The following UBAP2 variants were observed in gnomAD, a reference collection of about 807,000 sequenced individuals.
UBAP2 encodes ubiquitin-associated protein 2.
In UBAP2, 75 loss-of-function variants were observed where a neutral mutation model predicts 139.6. That is an observed-to-expected ratio of 0.54 (90% CI 0.45 to 0.65). UBAP2 has a LOEUF of 0.65. Ranked by LOEUF, UBAP2 falls within the 30% of genes least tolerant of loss-of-function variation. UBAP2 has a pLI of 0.00. For synonymous variants in UBAP2, 526 were observed against 526.2 expected (o/e 1.00, Z 0.01); for missense variants, 1,368 against 1,369.6 (o/e 1.00, Z 0.02).
At chr9:34,043,897 G>A (rs1256977091) in intron 1 of UBAP2, among the ~76,000 whole-genome samples, 1 of 151,524 alleles carries the variant, frequency 6.6e-6, no homozygotes, top group Admixed American at 6.6e-5. Flanking sequence ...GGAGGCCGAA[G>A]CAGGTGGATC....
chr9:34,026,356 G>T (rs1825400891), intron 1 of UBAP2, among the ~76,000 whole-genome samples: 1 of 151,560 alleles, frequency 6.6e-6, no homozygotes, highest in South Asian at 2.1e-4. Flanking sequence ...TACGTTTCAG[G>T]AACAGAAAAA....
intron 2 of UBAP2, among the ~76,000 whole-genome samples, chr9:34,003,791 GC>G (rs1165022686): frequency 1.3e-5 from 2 of 151,768 alleles, no homozygotes; most frequent in East Asian, 3.9e-4. Flanking sequence ...TGCGATCTTG[GC>G]TACTGCAACC....
chr9:34,028,800 A>C (rs1315461801), intron 1 of UBAP2, among the ~76,000 whole-genome samples: 1 of 151,880 alleles, frequency 6.6e-6, no homozygotes, highest in African/African-American at 2.4e-5. Flanking sequence ...TCTCTCCTAC[A>C]AAAAGGAAAA....
rs906780133 is a variant in UBAP2 at position 34,042,183 on chromosome 9, TA to T, written c.-42+6641del. Among the ~76,000 whole-genome samples the T allele has an allele frequency of 2.0e-5, 3 of 151,712 alleles. 1 individual carries two copies. The South Asian group carries it at 6.2e-4, about 32-fold the overall frequency. On this transcript the variant is annotated intron_variant, in intron 1 of 28. Transcript: ENST00000379238. ...ATATACATATAAGGTAAAATTATTGTAAAAAAGTAACAGTAGGCTGGGGTGG... is the reference window on the plus strand; with the variant it reads ...ATATACATATAAGGTAAAATTATTGTAAAAAGTAACAGTAGGCTGGGGTGG...
intron 6 of UBAP2, among the ~76,000 whole-genome samples, chr9:33,983,778 C>T (rs976842305): frequency 1.3e-5 from 2 of 152,188 alleles, no homozygotes; most frequent in African/African-American, 2.4e-5. Flanking sequence ...TTGAAACTTA[C>T]TTTACAGAAA....
At chr9:33,971,884 T>C (rs1019702541) in intron 7 of UBAP2, 130 bp from the exon 8 acceptor site, 2 of 588,944 alleles carry the variant, frequency 3.4e-6, no homozygotes, top group Non-Finnish European at 6.1e-6. Context: ...ACATCACCTC[T>C]CCTTCCCCTA....
intron 6 of UBAP2, among the ~76,000 whole-genome samples, chr9:33,977,376 G>T (rs542733481): frequency 3.9e-5 from 6 of 152,070 alleles, no homozygotes; most frequent in Non-Finnish European, 8.8e-5. Flanking sequence ...CTAATCCATC[G>T]TCCCCATAAA....
chr9:33,977,024 AAC>A (rs1213915822), intron 6 of UBAP2, among the ~76,000 whole-genome samples: 2 of 149,468 alleles, frequency 1.3e-5, no homozygotes, highest in Non-Finnish European at 3.0e-5. Flanking sequence ...AAAAAACAAA[AAC>A]AGTTGTTTTT....
At position 33,935,837 on chromosome 9, in the gene UBAP2, A is replaced by G; in HGVS notation, c.1969+2T>C. Reference sequence around the variant, plus strand: ...ACAAGAGTAGCTTGCTGCTATACTTACTGTCTAGTGTCTGCTGACTTCGAC... The same window carrying G: ...ACAAGAGTAGCTTGCTGCTATACTTGCTGTCTAGTGTCTGCTGACTTCGAC... On this transcript the variant is annotated splice_donor_variant, in intron 17 of 28. Coordinates refer to ENST00000379238, the MANE Select transcript of UBAP2 (RefSeq NM_001370062.2). LOFTEE classifies it high-confidence loss of function. 6.2e-7 allele frequency: 1 copy of G among 1,614,088 alleles called. No individual in the cohort carries two copies. Among genetic ancestry groups the G allele is most frequent in the Non-Finnish European group, 8.5e-7 (1 of 1,180,020 alleles).
At chr9:34,026,082 A>T in intron 1 of UBAP2, among the ~76,000 whole-genome samples, 1 of 152,206 alleles carries the variant, frequency 6.6e-6, no homozygotes, top group East Asian at 1.9e-4. Flanking sequence ...TTTTCTAAAA[A>T]CCATGTATAT....
chr9:33,982,363 C>T (rs1191231810), intron 6 of UBAP2, among the ~76,000 whole-genome samples: 2 of 152,222 alleles, frequency 1.3e-5, no homozygotes, highest in Admixed American at 6.5e-5. Flanking sequence ...CTCTGCTCCA[C>T]ACTTACGACA....
At chr9:34,022,822 T>G (rs1199282550) in intron 1 of UBAP2, among the ~76,000 whole-genome samples, 1 of 152,192 alleles carries the variant, frequency 6.6e-6, no homozygotes, top group Admixed American at 6.6e-5. Flanking sequence ...TTGAGTAGTA[T>G]TCCTACCACA....
chr9:34,011,657 C>T (rs1473423346), intron 2 of UBAP2: 3 of 987,372 alleles, frequency 3.0e-6, no homozygotes, highest in Non-Finnish European at 3.6e-6. Context: ...GTCAAGAGGT[C>T]GGTACAGCTT....
chr9:33,975,109 C>T (rs1387885690), intron 6 of UBAP2, among the ~76,000 whole-genome samples: 1 of 152,050 alleles, frequency 6.6e-6, no homozygotes, highest in African/African-American at 2.4e-5. Context: ...ATGACTACTA[C>T]CAAAATTAAA....
intron 1 of UBAP2, among the ~76,000 whole-genome samples, chr9:34,040,509 G>C (rs911536978): frequency 2.6e-5 from 4 of 152,104 alleles, no homozygotes; most frequent in Admixed American, 2.6e-4. Context: ...ACTTTGTGCG[G>C]GTGAGGTGGG....
intron 1 of UBAP2, among the ~76,000 whole-genome samples, chr9:34,025,970 G>A (rs1325150855): frequency 6.6e-6 from 1 of 152,174 alleles, no homozygotes; most frequent in African/African-American, 2.4e-5. Context: ...AGACTTAACT[G>A]AAAATGGTTG....
intron 8 of UBAP2, among the ~76,000 whole-genome samples, chr9:33,968,994 G>A (rs1352374775): frequency 6.6e-6 from 1 of 152,138 alleles, no homozygotes; most frequent in African/African-American, 2.4e-5. Flanking sequence ...CCATGTTGTA[G>A]CATGTACCTT....
At chr9:34,044,437 T>C (rs1827390657) in intron 1 of UBAP2, among the ~76,000 whole-genome samples, 1 of 150,362 alleles carries the variant, frequency 6.7e-6, no homozygotes, top group Non-Finnish European at 1.5e-5. Context: ...TGGTGATGCA[T>C]GCCTGTAGTC....
At chr9:33,978,055 A>G (rs1023927804) in intron 6 of UBAP2, among the ~76,000 whole-genome samples, 4 of 151,216 alleles carry the variant, frequency 2.6e-5, no homozygotes, top group African/African-American at 9.7e-5. Flanking sequence ...TGTAATCCCA[A>G]CTTCATAAAT....
Sources: allele counts gnomAD v4.1 joint callset (sites outside exome capture counted in the v4.1 genomes callset), GRCh38; gene constraint gnomAD v4.1.1; transcripts MANE v1.5; gene names NCBI Gene and HGNC (gene_info 2026-07-23, HGNC 2026-07-21).